CEP112: variants seen among roughly 807,000 people sequenced by gnomAD.
CEP112 encodes the protein centrosomal protein 112.
Under a neutral mutation model 153.0 loss-of-function variants are expected in CEP112, and 127 were observed. The observed-to-expected ratio is 0.83, with a 90% confidence interval of 0.72 to 0.96. CEP112 has a LOEUF of 0.96. Ranked by LOEUF, CEP112 falls within the 40% of genes least tolerant of loss-of-function variation. The pLI, the probability that CEP112 is intolerant of heterozygous loss-of-function variation, is 0.00. For missense variants in CEP112, 1,089 were observed against 1,101.2 expected (o/e 0.99, Z 0.16); for synonymous variants, 358 against 374.4 (o/e 0.96, Z 0.51).
At chr17:66,174,980 T>C (rs1335412248) in intron 4 of CEP112, 64 bp downstream of exon 4, 2 of 1,152,482 alleles carry the variant, frequency 1.7e-6, no homozygotes, top group Non-Finnish European at 2.3e-6. Context: ...ACAGAATGTA[T>C]AAATCAGTTC....
intron 4 of CEP112, among the ~76,000 whole-genome samples, chr17:66,151,989 C>T (rs1191261270): frequency 6.6e-6 from 1 of 152,074 alleles, no homozygotes; most frequent in Non-Finnish European, 1.5e-5. Flanking sequence ...TTAGATGTTG[C>T]CTAGCACATA....
chr17:66,173,064 C>T (rs75395715), intron 4 of CEP112, among the ~76,000 whole-genome samples: 5,639 of 152,292 alleles, frequency 0.037, 125 homozygotes, highest in Admixed American at 0.056. Flanking sequence ...AATCCTCTCC[C>T]CTTCTTAAAT....
intron 17 of CEP112, among the ~76,000 whole-genome samples, chr17:65,971,533 A>G (rs1255678712): frequency 6.6e-6 from 1 of 151,394 alleles, no homozygotes; most frequent in Non-Finnish European, 1.5e-5. Flanking sequence ...GTATCACCTA[A>G]ATGTATGTTG....
intron 24 of CEP112, among the ~76,000 whole-genome samples, chr17:65,683,070 A>C (rs149254681): frequency 6.6e-6 from 1 of 152,230 alleles, no homozygotes; most frequent in East Asian, 1.9e-4. Context: ...CACTTTTCCC[A>C]CTAGATCACG....
intron 10 of CEP112, among the ~76,000 whole-genome samples, chr17:66,063,325 T>A (rs1381314219): frequency 1.3e-5 from 2 of 152,172 alleles, no homozygotes; most frequent in Non-Finnish European, 2.9e-5. Context: ...TCAAGCATCA[T>A]TCCCCTCCAA....
Position 66,183,201 on chromosome 17 carries a change from A to G in CEP112, c.99T>C (p.His33=), listed in dbSNP as rs1375310020. 1.3e-6 allele frequency: 2 copies of G among 1,593,320 alleles called. No individual in the cohort carries two copies. The highest frequency in any genetic ancestry group is 2.2e-5 in the East Asian group (1 of 44,610). ...DMKPFVLKLP[H]RTERQRCALW... ...CTTCAAACATAATCTTACCTGTCCT[A>G]TGAGGTAATTTTAGAACAAAGGGCT... The change falls in exon 2 of 27, where the codon CAT becomes CAC. Residue 33 remains histidine, a synonymous_variant. Transcript: ENST00000535342.
At chr17:65,668,476 C>T (rs1186007172) in intron 24 of CEP112, among the ~76,000 whole-genome samples, 1 of 152,142 alleles carries the variant, frequency 6.6e-6, no homozygotes, top group African/African-American at 2.4e-5. Flanking sequence ...AACTCAGATC[C>T]CCCACCTGGA....
chr17:65,660,508 TTCCTTCCTTCTTCCC>T (rs2046335621), intron 24 of CEP112, among the ~76,000 whole-genome samples: 1 of 137,448 alleles, frequency 7.3e-6, no homozygotes, highest in Admixed American at 7.6e-5. Context: ...CCTTCCTTCC[TTCCTTCCTTCTTCCC>T]TTCTTCCTTT....
At chr17:65,879,228 A>G (rs1180089356) in intron 20 of CEP112, among the ~76,000 whole-genome samples, 1 of 152,234 alleles carries the variant, frequency 6.6e-6, no homozygotes. Flanking sequence ...CAGCGAGGCC[A>G]GGAATGACAG....
At chr17:66,093,712 T>C (rs1440852938) in intron 8 of CEP112, among the ~76,000 whole-genome samples, 1 of 152,150 alleles carries the variant, frequency 6.6e-6, no homozygotes, top group African/African-American at 2.4e-5. Context: ...CTCATGTTCA[T>C]GAACTGGAAG....
intron 22 of CEP112, 80 bp from the exon 23 acceptor site, chr17:65,743,297 A>G: frequency 8.8e-7 from 1 of 1,132,602 alleles, no homozygotes; most frequent in Non-Finnish European, 1.2e-6. Context: ...GCTTAACAAA[A>G]GAATGGATTT....
chr17:65,660,350 C>T (rs925781473), intron 24 of CEP112, among the ~76,000 whole-genome samples: 2 of 136,752 alleles, frequency 1.5e-5, no homozygotes, highest in South Asian at 2.4e-4. Flanking sequence ...TTTTCTCTCT[C>T]GTTCCTTCCT....
chr17:65,650,060 T>G (rs1028702275), intron 24 of CEP112, among the ~76,000 whole-genome samples: 1 of 152,258 alleles, frequency 6.6e-6, no homozygotes, highest in Admixed American at 6.5e-5. Flanking sequence ...GAGAGTCACC[T>G]GGCCTCTGGA....
chr17:65,937,566 TGGG>T (rs1292646500), intron 18 of CEP112, among the ~76,000 whole-genome samples: 1 of 45,092 alleles, frequency 2.2e-5, no homozygotes, highest in African/African-American at 7.1e-5. Flanking sequence ...GGGAGGGAGG[TGGG>T]GGGGGTCAGC....
chr17:65,700,382 C>G (rs899704117), intron 23 of CEP112, among the ~76,000 whole-genome samples: 2 of 152,164 alleles, frequency 1.3e-5, no homozygotes, highest in African/African-American at 4.8e-5. Flanking sequence ...AGCATTGTGA[C>G]TGAACACAGG....
intron 19 of CEP112, among the ~76,000 whole-genome samples, chr17:65,902,640 A>T (rs924674864): frequency 2.6e-5 from 4 of 151,904 alleles, no homozygotes; most frequent in Non-Finnish European, 5.9e-5. Context: ...ATTACTGATC[A>T]GCAATGGTTA....
At position 66,130,775 on chromosome 17, in the gene CEP112, C is replaced by CA. The variant is rs539232836; in HGVS notation, c.565-953dup. On this transcript the variant is annotated intron_variant, in intron 5 of 26. Transcript: ENST00000535342. The stretch of plus-strand genomic sequence containing the variant: ...TGGGCGACAGAGCGAGACTCCGTCT[C>CA]AAAAAAAAAAAAAAAAAACACACAC... 4.2e-3 allele frequency among the ~76,000 whole-genome samples: 357 copies of CA among 85,906 alleles called. 4 individuals are homozygous for CA. Among genetic ancestry groups the CA allele is most frequent in the African/African-American group, 1.0e-2 (211 of 21,108 alleles). The allele number at this position is 85,906 out of a possible 152,430, so 56.4% of individuals were successfully genotyped here.
At chr17:65,825,149 T>G (rs1473507882) in intron 21 of CEP112, among the ~76,000 whole-genome samples, 1 of 152,244 alleles carries the variant, frequency 6.6e-6, no homozygotes, top group Non-Finnish European at 1.5e-5. Context: ...TTATTCATTT[T>G]GAACAAAACA....
At chr17:65,898,340 G>A (rs1304239019) in intron 20 of CEP112, among the ~76,000 whole-genome samples, 1 of 151,998 alleles carries the variant, frequency 6.6e-6, no homozygotes, top group Non-Finnish European at 1.5e-5. Context: ...TTTATAAATG[G>A]AGATTTTTAT....
Sources: gnomAD v4.1 joint callset for allele counts (sites outside exome capture counted in the v4.1 genomes callset) on GRCh38, gnomAD v4.1.1 for gene constraint, MANE v1.5 for transcripts, NCBI Gene and HGNC (gene_info 2026-07-23, HGNC 2026-07-21) for gene names.